The following FLT4 variants were observed in gnomAD, a reference collection of about 807,000 sequenced individuals.
FLT4 encodes vascular endothelial growth factor receptor 3.
In FLT4, 30 loss-of-function variants were observed where a neutral mutation model predicts 163.2. That is an observed-to-expected ratio of 0.18 (90% CI 0.14 to 0.25). The LOEUF is 0.25. FLT4 is among the 10% of genes least tolerant of loss of function. The pLI is 1.00. For missense variants in FLT4, 1,510 were observed against 1,863.8 expected, an observed-to-expected ratio of 0.81 and a Z score of 3.50; for synonymous variants, 884 against 789.5, an observed-to-expected ratio of 1.12 and a Z score of -2.01.
At chr5:180,610,868 T>A (rs1291303043) in intron 27 of FLT4, among the ~76,000 whole-genome samples, 14 of 150,374 alleles carry the variant, frequency 9.3e-5, no homozygotes, top group South Asian at 2.1e-4. Flanking sequence ...CCATCCTGGC[T>A]AACACGGTGA....
chr5:180,629,294 T>C lies in FLT4; in HGVS notation c.950A>G (p.Gln317Arg), dbSNP rs1485119276. Residue 317 changes from glutamine to arginine, a missense_variant, in exon 7 of 30, where the codon CAG becomes CGG. By Grantham distance (43) the Gln-to-Arg change is conservative (BLOSUM62 1). Transcript: ENST00000261937. ...SYVCKANNGI[Q>R]RFRESTEVIV... ...GACCTCGGTGCTCTCCCGAAATCGCTGGATGCCGTTGTTGGCCTTGCACAC... is the reference window on the plus strand; with the variant it reads ...GACCTCGGTGCTCTCCCGAAATCGCCGGATGCCGTTGTTGGCCTTGCACAC... The C allele has an allele frequency of 1.9e-6, 3 of 1,613,318 alleles. No homozygotes were observed. Among genetic ancestry groups the C allele is most frequent in the East Asian group, 4.5e-5 (2 of 44,888 alleles).
intron 1 of FLT4, among the ~76,000 whole-genome samples, chr5:180,638,225 C>CTTGGG (rs1290404135): frequency 2.6e-5 from 4 of 152,212 alleles, no homozygotes; most frequent in African/African-American, 9.6e-5. Context: ...TCCAGCTGCC[C>CTTGGG]ACTGGACTTG....
Position 180,621,265 on chromosome 5 carries a change from G to A in FLT4, c.2021-13C>T, listed in dbSNP as rs954641104. On this transcript the variant is annotated splice_polypyrimidine_tract_variant and intron_variant, in intron 13 of 29. Transcript: ENST00000261937. ...GGGGCTTCCAGGGCTGGGGGCAGGG[G>A]TCGAGAGGGAGCTAAGTGGAGCTGC... 13 of 1,610,330 alleles carry A rather than the reference G, an allele frequency of 8.1e-6. No individual in the cohort carries two copies. In the African/African-American group the frequency reaches 1.6e-4, roughly 20 times the overall value.
chr5:180,629,066 C>G (rs1411690145), intron 7 of FLT4, 67 bp from the exon 8 acceptor site: 1 of 1,490,332 alleles, frequency 6.7e-7, no homozygotes, highest in African/African-American at 1.4e-5. Flanking sequence ...GGGACTCCCC[C>G]CACGGCCCCT....
At chr5:180,633,762 G>A (rs1764346862) in intron 1 of FLT4, among the ~76,000 whole-genome samples, 1 of 152,180 alleles carries the variant, frequency 6.6e-6, no homozygotes, top group South Asian at 2.1e-4. Flanking sequence ...GAGCTACAGA[G>A]GAGGGATGAT....
chr5:180,609,578 C>A (rs1004360581), intron 28 of FLT4: 2 of 398,198 alleles, frequency 5.0e-6, no homozygotes, highest in Non-Finnish European at 9.5e-6. Context: ...CAAGGGCTCC[C>A]ATGGGGCCCC....
rs547579505 is a variant in FLT4 at position 180,605,182 on chromosome 5, C to G, written c.3894-1792G>C. ...GTCTCATTCTGTTGCCCAGGTTGGT[C>G]TTGAACTCCGGGCCTCAAGTGATCC... On this transcript the variant is annotated intron_variant, in intron 29 of 29. Coordinates refer to ENST00000261937, the MANE Select transcript of FLT4 (RefSeq NM_182925.5). Among the ~76,000 whole-genome samples the G allele has an allele frequency of 1.1e-4, 17 of 152,336 alleles. 1 individual carries two copies. The highest frequency in any genetic ancestry group is 8.5e-4 in the Admixed American group (13 of 15,304).
chr5:180,625,619 G>T (rs1763543303), intron 10 of FLT4, among the ~76,000 whole-genome samples: 2 of 152,270 alleles, frequency 1.3e-5, no homozygotes, highest in Non-Finnish European at 1.5e-5. Context: ...GTGGGCAGGG[G>T]CCAGACCCAT....
chr5:180,642,978 T>C (rs768574207), intron 1 of FLT4, among the ~76,000 whole-genome samples: 19 of 152,190 alleles, frequency 1.2e-4, no homozygotes, highest in Non-Finnish European at 2.4e-4. Context: ...GTATTGCCAC[T>C]GTACAGATAG....
rs143739828 is a variant in FLT4, at chr5:180,603,221, C to A, written c.4063G>T (p.Val1355Leu). 1 of 1,614,070 alleles carries A rather than the reference C, an allele frequency of 6.2e-7. No homozygotes were observed. Reference sequence around the variant, plus strand: ...TAGCTGTTGTCTGTGAAGAAAGTCACGCGGGCAGACGGGGAGCAGTGGTCC... The same window carrying A: ...TAGCTGTTGTCTGTGAAGAAAGTCAAGCGGGCAGACGGGGAGCAGTGGTCC... ...EEDHCSPSAR[V>L]TFFTDNSY The change falls in exon 30 of 30, where the codon GTG becomes TTG. Residue 1355 changes from valine to leucine, a missense_variant. Val to Leu is a conservative substitution (Grantham distance 32). Transcript: ENST00000261937.
rs534918142 is a variant in FLT4, at chr5:180,611,012, G to C, written c.3686+319C>G. ...GCGGAGCTTGCGGTGAGCCGAGATC[G>C]CGCCACTGCACTCCAGCCTGGGCGA... On this transcript the variant is annotated intron_variant, in intron 27 of 29. Coordinates refer to ENST00000261937, the MANE Select transcript of FLT4 (RefSeq NM_182925.5). Among the ~76,000 whole-genome samples the C allele has an allele frequency of 1.4e-4, 22 of 152,244 alleles. No homozygotes were observed. The South Asian group carries it at 3.1e-3, about 21-fold the overall frequency.
chr5:180,628,864 G>A lies in FLT4; in HGVS notation c.1103+18C>T, dbSNP rs438464. On this transcript the variant is annotated intron_variant, in intron 8 of 29. Coordinates refer to ENST00000261937, the MANE Select transcript of FLT4 (RefSeq NM_182925.5). ...TGGAAGGGTATCGGCGGGGTCGGTG[G>A]GGAGCCAGGGCTGTTACCACTGGAA... is the stretch of plus-strand genomic sequence containing the variant. 773,000 of 1,545,306 alleles carry A rather than the reference G, an allele frequency of 0.5. 194,988 individuals are homozygous for A. Among genetic ancestry groups the A allele is most frequent in the Admixed American group, 0.56 (33,245 of 59,154 alleles).
chr5:180,603,533 G>A, intron 29 of FLT4, 143 bp from the exon 30 acceptor site: 1 of 755,694 alleles, frequency 1.3e-6, no homozygotes, highest in Admixed American at 2.1e-5. Flanking sequence ...GCAACATGGG[G>A]AAACCCCGTC....
Position 180,621,115 on chromosome 5 carries a change from C to T in FLT4, c.2158G>A (p.Glu720Lys). Residue 720 changes from glutamate to lysine, a missense_variant, in exon 14 of 30, where the codon GAA becomes AAA. By Grantham distance (56) the Glu-to-Lys change is moderately conservative (BLOSUM62 1). Around this residue, in one of 5 missense-constraint regions of FLT4, gnomAD observed 878 missense variants for 1,016.7 expected, o/e 0.86. Coordinates refer to ENST00000261937, the MANE Select transcript of FLT4 (RefSeq NM_182925.5). ...VWYKDERLLE[E>K]KSGVDLADSN... ...GGGCCACCCTCCCTACCAGACTTTT[C>T]CTCCAGCAGCCTCTCGTCTTTGTAC... is the stretch of plus-strand genomic sequence containing the variant. 1 of 1,612,816 alleles carries T rather than the reference C, an allele frequency of 6.2e-7. No individual in the cohort carries two copies. The highest frequency in any genetic ancestry group is 8.5e-7 in the Non-Finnish European group (1 of 1,179,992).
At chr5:180,603,729 C>T (rs1761634727) in intron 29 of FLT4, among the ~76,000 whole-genome samples, 1 of 152,096 alleles carries the variant, frequency 6.6e-6, no homozygotes, top group African/African-American at 2.4e-5. Context: ...ACGGTGAAAC[C>T]CCGTCTCTAC....
In FLT4 at chr5:180,620,901, G is replaced by A. The variant is rs2127813348; in HGVS notation, c.2274C>T (p.Asn758=). The change falls in exon 15 of 30, where the codon AAC becomes AAT. Residue 758 remains asparagine, a synonymous_variant. Coordinates refer to ENST00000261937, the MANE Select transcript of FLT4 (RefSeq NM_182925.5). The surrounding 1 kb of genome is among the most constrained non-coding windows in gnomAD (Gnocchi z 4.4). Reference sequence around the variant, plus strand: ...CTTCCACGGCCACGCTGGCGGAGGAGTTGACGCAGCCCTTGGCGTTGCACA... The same window carrying A: ...CTTCCACGGCCACGCTGGCGGAGGAATTGACGCAGCCCTTGGCGTTGCACA... ...CSVCNAKGCV[N]SSASVAVEGS... is the part of the protein sequence containing the mutation. 2 of 1,610,000 alleles carry A rather than the reference G, an allele frequency of 1.2e-6. No homozygotes were observed. The highest frequency in any genetic ancestry group is 1.1e-5 in the South Asian group (1 of 90,746).
At chr5:180,608,623 G>A (rs996774463) in intron 29 of FLT4, among the ~76,000 whole-genome samples, 13 of 152,282 alleles carry the variant, frequency 8.5e-5, no homozygotes, top group Admixed American at 2.0e-4. Context: ...GTGAAGTTCC[G>A]GGGTTCTGGG....
chr5:180,603,161 C>T lies in FLT4; in HGVS notation c.*31G>A. On this transcript the variant is annotated 3_prime_UTR_variant, in exon 30 of 30. Coordinates refer to ENST00000261937, the MANE Select transcript of FLT4 (RefSeq NM_182925.5). The stretch of plus-strand genomic sequence containing the variant: ...CTGCCCGCCCTGCCGGGCCTGAACC[C>T]CCAAGTGCTGGGGGTCTTGTCCGAT... The T allele has an allele frequency of 6.2e-7, 1 of 1,611,622 alleles. No individual in the cohort carries two copies. The highest frequency in any genetic ancestry group is 8.5e-7 in the Non-Finnish European group (1 of 1,178,580).
Position 180,607,638 on chromosome 5 carries a change from C to CAA in FLT4, c.3893+1328_3893+1329dup, listed in dbSNP as rs36124722. Among the ~76,000 whole-genome samples, 523 of 132,018 alleles carry CAA rather than the reference C, an allele frequency of 4.0e-3. 3 individuals are homozygous for CAA. The highest frequency in any genetic ancestry group is 7.5e-3 in the Middle Eastern group (2 of 268). 86.6% of individuals were successfully genotyped at this position (132,018 alleles called of 152,430 possible). ...CCTGGGAGACAGAGCGAGACTGTCT[C>CAA]AAAAAAAAAAAAATACATACATACA... On this transcript the variant is annotated intron_variant, in intron 29 of 29. Coordinates refer to ENST00000261937, the MANE Select transcript of FLT4 (RefSeq NM_182925.5).
Sources: allele counts gnomAD v4.1 joint callset (sites outside exome capture counted in the v4.1 genomes callset), GRCh38; gene constraint gnomAD v4.1.1; regional missense constraint gnomAD v4.1.1; non-coding constraint Gnocchi (gnomAD v3.1); transcripts MANE v1.5; gene names NCBI Gene and HGNC (gene_info 2026-07-23, HGNC 2026-07-21).